Variants in RFX6 observed in about 807,000 individuals in gnomAD.
RFX6 encodes the protein DNA-binding protein RFX6.
A neutral mutation model predicts 110.8 loss-of-function variants in RFX6; 50 were observed. The ratio of observed to expected loss-of-function variants is 0.45; its 90% CI spans 0.36 to 0.57. The LOEUF (loss-of-function observed/expected upper bound fraction) is 0.57, where lower values mean the gene tolerates loss of function less well. Among genes scored for constraint, RFX6 ranks in the 20% least tolerant of loss-of-function variants. The probability of loss-of-function intolerance (pLI) is 0.00; values close to 1 mark genes in which losing one functional copy is unlikely to be tolerated. For synonymous variants in RFX6, 383 were observed against 411.2 expected, an observed-to-expected ratio of 0.93 and a Z score of 0.83; for missense variants, 990 against 1,127.0, an observed-to-expected ratio of 0.88 and a Z score of 1.74.
intron 4 of RFX6, among the ~76,000 whole-genome samples, chr6:116,888,151 A>T (rs1774739596): frequency 6.6e-6 from 1 of 152,192 alleles, no homozygotes; most frequent in Non-Finnish European, 1.5e-5. Context: ...TGTAGTGTAA[A>T]CTAACATCAG....
chr6:116,918,317 T>C (rs1311899988), intron 10 of RFX6, among the ~76,000 whole-genome samples: 1 of 151,884 alleles, frequency 6.6e-6, no homozygotes, highest in Non-Finnish European at 1.5e-5. Flanking sequence ...AAGTGAAAAA[T>C]AGATTTAAGC....
chr6:116,923,581 G>A, intron 14 of RFX6: 1 of 221,048 alleles, frequency 4.5e-6, no homozygotes, highest in Non-Finnish European at 9.1e-6. Flanking sequence ...CATTCCATCA[G>A]TGCTTGGATA....
intron 4 of RFX6, among the ~76,000 whole-genome samples, chr6:116,882,804 C>G (rs905699946): frequency 2.0e-5 from 3 of 152,078 alleles, no homozygotes; most frequent in African/African-American, 4.8e-5. Flanking sequence ...GCTTCAGGTT[C>G]TTCCTCTAGT....
chr6:116,897,687 T>G (rs1046934311), intron 6 of RFX6, among the ~76,000 whole-genome samples: 1 of 152,176 alleles, frequency 6.6e-6, no homozygotes, highest in African/African-American at 2.4e-5. Context: ...GGAGGCTATC[T>G]GGATAGTCTG....
At position 116,925,556 on chromosome 6, in the gene RFX6, C is replaced by G. The variant is rs4946206; in HGVS notation, c.1782C>G (p.His594Gln). The change falls in exon 16 of 19, where the codon CAC (histidine) becomes CAG (glutamine). Residue 594 changes from histidine to glutamine, a missense_variant. His to Gln is a conservative substitution (Grantham distance 24). Transcript: ENST00000332958. ...VSSDAVKNES[H>Q]VETTYLPLPS... Reference sequence around the variant, plus strand: ...GCGACGCTGTGAAGAATGAAAGCCACGTGGAGACAACCTATCTCCCTCTGC... The same window carrying G: ...GCGACGCTGTGAAGAATGAAAGCCAGGTGGAGACAACCTATCTCCCTCTGC... 5.6e-5 allele frequency: 90 copies of G among 1,613,362 alleles called. 1 individual carries two copies. Among genetic ancestry groups the G allele is most frequent in the South Asian group, 4.3e-4 (39 of 91,074 alleles).
chr6:116,911,401 G>T (rs1775348050), intron 7 of RFX6, among the ~76,000 whole-genome samples: 1 of 152,038 alleles, frequency 6.6e-6, no homozygotes, highest in African/African-American at 2.4e-5. Context: ...TCAGCAAATG[G>T]TCATCAAGCA....
chr6:116,890,573 A>G (rs1774806427), intron 4 of RFX6, among the ~76,000 whole-genome samples: 1 of 152,166 alleles, frequency 6.6e-6, no homozygotes, highest in Admixed American at 6.5e-5. Flanking sequence ...TGGCATGTAT[A>G]TAAGATTGTA....
chr6:116,904,860 A>G (rs988925530), intron 6 of RFX6, among the ~76,000 whole-genome samples: 2 of 152,182 alleles, frequency 1.3e-5, no homozygotes, highest in Non-Finnish European at 1.5e-5. Flanking sequence ...TTCCCTTTTA[A>G]GGATGAATGA....
rs369627687 is a variant in RFX6 at position 116,925,564 on chromosome 6, C to A, written c.1790C>A (p.Thr597Lys). Residue 597 changes from threonine (T) to lysine (K), a missense_variant, in exon 16 of 19, where the codon ACA (threonine) becomes AAA (lysine). Physicochemically the swap from Thr to Lys is moderately conservative, Grantham distance 78. Around this residue, in one of 5 missense-constraint regions of RFX6, gnomAD observed 438 missense variants for 441.9 expected, o/e 0.99. Transcript: ENST00000332958. Reference protein sequence around the residue: ...DAVKNESHVETTYLPLPSSQP... With the variant: ...DAVKNESHVEKTYLPLPSSQP... ...GTGAAGAATGAAAGCCACGTGGAGA[C>A]AACCTATCTCCCTCTGCCATCCAGT... 8.1e-5 allele frequency: 130 copies of A among 1,612,772 alleles called. 1 individual carries two copies. In the Middle Eastern group the frequency reaches 9.9e-4, roughly 12 times the overall value.
chr6:116,900,577 G>A (rs1775046938), intron 6 of RFX6, among the ~76,000 whole-genome samples: 1 of 151,660 alleles, frequency 6.6e-6, no homozygotes, highest in South Asian at 2.1e-4. Flanking sequence ...TTATTTCATA[G>A]TGAAATCTAT....
intron 16 of RFX6, 56 bp downstream of exon 16, chr6:116,925,715 C>A: frequency 8.0e-7 from 1 of 1,252,404 alleles, no homozygotes. Context: ...CCTGTTGCTT[C>A]ATTTTTCTTA....
intron 18 of RFX6, among the ~76,000 whole-genome samples, chr6:116,930,520 G>T (rs1775860470): frequency 1.3e-5 from 2 of 152,144 alleles, no homozygotes; most frequent in South Asian, 4.1e-4. Context: ...ATAATGTCAA[G>T]TACTCTGAAC....
intron 6 of RFX6, among the ~76,000 whole-genome samples, chr6:116,896,477 A>G (rs1774946668): frequency 6.6e-6 from 1 of 152,212 alleles, no homozygotes; most frequent in African/African-American, 2.4e-5. Flanking sequence ...ATAAGTTTAA[A>G]ATGATAATAA....
At chr6:116,900,256 A>G (rs1429350784) in intron 6 of RFX6, among the ~76,000 whole-genome samples, 1 of 151,876 alleles carries the variant, frequency 6.6e-6, no homozygotes, top group Non-Finnish European at 1.5e-5. Flanking sequence ...ATTTTGTATG[A>G]ATCTTTTCTT....
intron 6 of RFX6, among the ~76,000 whole-genome samples, chr6:116,909,613 A>G (rs1775286757): frequency 7.3e-6 from 1 of 136,566 alleles, no homozygotes; most frequent in Non-Finnish European, 1.7e-5. Context: ...GATAATTATT[A>G]AATAATAGTT....
intron 5 of RFX6, among the ~76,000 whole-genome samples, chr6:116,894,914 A>G (rs1774909952): frequency 6.6e-6 from 1 of 152,162 alleles, no homozygotes; most frequent in South Asian, 2.1e-4. Context: ...TGGAACACAC[A>G]CAAATGTTTA....
chr6:116,900,618 TGAAATAAAAATA>T (rs1014435731), intron 6 of RFX6, among the ~76,000 whole-genome samples: 28 of 151,970 alleles, frequency 1.8e-4, no homozygotes, highest in African/African-American at 6.3e-4. Context: ...TATTTCACTA[TGAAATAAAAATA>T]GAAATAAAAA....
intron 4 of RFX6, among the ~76,000 whole-genome samples, chr6:116,883,493 AG>A (rs1774636569): frequency 6.6e-6 from 1 of 152,208 alleles, no homozygotes; most frequent in East Asian, 1.9e-4. Context: ...AAAAGTAAAA[AG>A]GAACAAGCGA....
intron 7 of RFX6, among the ~76,000 whole-genome samples, chr6:116,913,109 A>G (rs963915887): frequency 8.5e-5 from 13 of 152,078 alleles, no homozygotes; most frequent in Middle Eastern, 3.2e-3. Context: ...TCTGTTGCCC[A>G]GGCTGGAGTG....
Sources: gnomAD v4.1 joint callset for allele counts (sites outside exome capture counted in the v4.1 genomes callset) on GRCh38, gnomAD v4.1.1 for gene constraint, gnomAD v4.1.1 regional missense constraint, MANE v1.5 for transcripts, NCBI Gene and HGNC (gene_info 2026-07-23, HGNC 2026-07-21) for gene names.